Variants in ADGRG6 observed in about 807,000 individuals in gnomAD.
The protein encoded by ADGRG6 is G-protein coupled receptor 126.
In ADGRG6, 84 loss-of-function variants were observed where a neutral mutation model predicts 142.4. That is an observed-to-expected ratio of 0.59 (90% CI 0.49 to 0.71). The LOEUF (loss-of-function observed/expected upper bound fraction) is 0.71. Among genes scored for constraint, ADGRG6 ranks in the 30% least tolerant of loss-of-function variants. ADGRG6 has a pLI of 0.00. For synonymous variants in ADGRG6, 521 were observed against 520.5 expected (o/e 1.00, Z -0.01); for missense variants, 1,367 against 1,466.6 (o/e 0.93, Z 1.11).
At position 142,309,054 on chromosome 6, in the gene ADGRG6, A is replaced by C. The variant is rs375014337; in HGVS notation, c.3-490A>C. The stretch of plus-strand genomic sequence containing the variant: ...TTCAATGTATCACTTTAGGGGATAG[A>C]ACAGAGTTTGGGCAATTTGGTTTTA... On this transcript the variant is annotated intron_variant, in intron 1 of 24. Transcript: ENST00000367609. Among the ~76,000 whole-genome samples, 9 of 151,820 alleles carry C rather than the reference A, an allele frequency of 5.9e-5. No homozygotes were observed. In the East Asian group the frequency reaches 9.6e-4, roughly 16 times the overall value.
intron 16 of ADGRG6, among the ~76,000 whole-genome samples, chr6:142,409,605 A>G (rs972881251): frequency 5.3e-5 from 8 of 152,154 alleles, no homozygotes; most frequent in African/African-American, 1.9e-4. Flanking sequence ...TGAGAGTAGA[A>G]TCAATATACT....
At chr6:142,309,131 T>C (rs550468781) in intron 1 of ADGRG6, among the ~76,000 whole-genome samples, 2 of 152,012 alleles carry the variant, frequency 1.3e-5, no homozygotes, top group Non-Finnish European at 2.9e-5. Context: ...AACATTTCCT[T>C]ACAATCTGAA....
At chr6:142,410,591 T>C (rs1582647874) in intron 17 of ADGRG6, among the ~76,000 whole-genome samples, 1 of 152,184 alleles carries the variant, frequency 6.6e-6, no homozygotes, top group South Asian at 2.1e-4. Context: ...GCAGGGTACT[T>C]TGCTGATGAA....
At chr6:142,312,660 A>T (rs374967351) in intron 2 of ADGRG6, among the ~76,000 whole-genome samples, 37 of 152,286 alleles carry the variant, frequency 2.4e-4, no homozygotes, top group African/African-American at 7.7e-4. Context: ...ACACATAAAA[A>T]AATCAAGAAT....
At chr6:142,369,286 T>C (rs1781107830) in intron 3 of ADGRG6, among the ~76,000 whole-genome samples, 1 of 152,226 alleles carries the variant, frequency 6.6e-6, no homozygotes, top group Non-Finnish European at 1.5e-5. Flanking sequence ...AATACATTTT[T>C]ATTTTGAATT....
chr6:142,316,682 CA>C (rs1487195866), intron 2 of ADGRG6, among the ~76,000 whole-genome samples: 1 of 152,082 alleles, frequency 6.6e-6, no homozygotes, highest in African/African-American at 2.4e-5. Context: ...TTAGCTGTAT[CA>C]CTGGCCTTAT....
chr6:142,388,533 C>T (rs1782144959), intron 6 of ADGRG6, among the ~76,000 whole-genome samples: 1 of 151,926 alleles, frequency 6.6e-6, no homozygotes, highest in African/African-American at 2.4e-5. Flanking sequence ...TATCAAAAGT[C>T]AAAAATACAT....
chr6:142,309,392 G>A (rs1423170215), intron 1 of ADGRG6, among the ~76,000 whole-genome samples, 152 bp from the exon 2 acceptor site: 5 of 151,838 alleles, frequency 3.3e-5, no homozygotes, highest in South Asian at 2.1e-4. Flanking sequence ...TGATCAAGTC[G>A]TCATCATCTT....
chr6:142,390,249 A>G lies in ADGRG6; in HGVS notation c.1223-9A>G. On this transcript the variant is annotated splice_polypyrimidine_tract_variant and intron_variant, in intron 6 of 24. Coordinates refer to ENST00000367609, the MANE Select transcript of ADGRG6 (RefSeq NM_198569.3). ...TAATTAATGGACTAATCCTATTTCC[A>G]ATGGGCAGATGGAATTATCTATAGA... 1 of 1,459,786 alleles carries G rather than the reference A, an allele frequency of 6.9e-7. No homozygotes were observed. Among genetic ancestry groups the G allele is most frequent in the Non-Finnish European group, 9.5e-7 (1 of 1,053,664 alleles). 90.4% of individuals were successfully genotyped at this position (1,459,786 alleles called of 1,614,324 possible).
intron 11 of ADGRG6, 81 bp downstream of exon 11, chr6:142,400,677 T>C: frequency 2.7e-6 from 2 of 730,672 alleles, no homozygotes; most frequent in Non-Finnish European, 5.0e-6. Context: ...CGGTAGTTCT[T>C]AGGCATTATA....
intron 2 of ADGRG6, among the ~76,000 whole-genome samples, chr6:142,324,613 T>G (rs1778671793): frequency 6.6e-6 from 1 of 152,116 alleles, no homozygotes; most frequent in African/African-American, 2.4e-5. Flanking sequence ...TTCGTCTTAA[T>G]TATCAGGTAT....
intron 2 of ADGRG6, among the ~76,000 whole-genome samples, chr6:142,359,466 C>A (rs1028603524): frequency 1.3e-5 from 2 of 152,166 alleles, no homozygotes; most frequent in Admixed American, 1.3e-4. Context: ...GCTGACCTCA[C>A]TGCCCAGGAC....
chr6:142,405,887 G>A, intron 15 of ADGRG6, 59 bp downstream of exon 15: 2 of 1,276,734 alleles, frequency 1.6e-6, no homozygotes, highest in Non-Finnish European at 2.1e-6. Context: ...TTTGAGCAAA[G>A]AAAACAAAAC....
At chr6:142,359,654 A>C (rs1209851599) in intron 2 of ADGRG6, among the ~76,000 whole-genome samples, 1 of 152,238 alleles carries the variant, frequency 6.6e-6, no homozygotes, top group Non-Finnish European at 1.5e-5. Flanking sequence ...ATCACAATCT[A>C]CTTATTTATC....
At chr6:142,333,257 GTTA>G (rs1779150004) in intron 2 of ADGRG6, among the ~76,000 whole-genome samples, 4 of 152,126 alleles carry the variant, frequency 2.6e-5, no homozygotes, top group African/African-American at 7.2e-5. Context: ...GACCCAGATG[GTTA>G]GAAAAAGAGC....
intron 2 of ADGRG6, among the ~76,000 whole-genome samples, chr6:142,340,083 A>G (rs964361224): frequency 6.6e-6 from 1 of 152,158 alleles, no homozygotes; most frequent in Non-Finnish European, 1.5e-5. Flanking sequence ...AATGTTGCAT[A>G]TGAACAATAG....
intron 18 of ADGRG6, among the ~76,000 whole-genome samples, chr6:142,413,911 A>ACG (rs1357274873): frequency 7.4e-5 from 10 of 135,532 alleles, no homozygotes; most frequent in Non-Finnish European, 1.4e-4. Flanking sequence ...ACACACACAC[A>ACG]CACACACACA....
Position 142,444,034 on chromosome 6 carries a change from A to G in ADGRG6, c.*519A>G, listed in dbSNP as rs1205675059. Reference sequence around the variant, plus strand: ...AATGACATTTCAACCACAGGCAGAAAAGACTGTTTACTCCTTGACCCAAAG... The same window carrying G: ...AATGACATTTCAACCACAGGCAGAAGAGACTGTTTACTCCTTGACCCAAAG... On this transcript the variant is annotated 3_prime_UTR_variant, in exon 25 of 25. Transcript: ENST00000367609. The G allele has an allele frequency of 6.6e-6, 1 of 152,210 alleles. No individual in the cohort carries two copies. Among genetic ancestry groups the G allele is most frequent in the South Asian group, 2.1e-4 (1 of 4,832 alleles). The allele number at this position is 152,210 out of a possible 1,614,324, so 9.4% of individuals were successfully genotyped here. A position where few individuals can be genotyped will look rare whatever the true frequency, so the allele number is the denominator to read the frequency against.
intron 22 of ADGRG6, among the ~76,000 whole-genome samples, chr6:142,436,338 G>T (rs1030619563): frequency 2.3e-4 from 35 of 152,132 alleles, no homozygotes; most frequent in African/African-American, 8.2e-4. Flanking sequence ...GGGAGAAAAT[G>T]ACCTTGAGAA....
Sources: gnomAD v4.1 joint callset for allele counts (sites outside exome capture counted in the v4.1 genomes callset) on GRCh38, gnomAD v4.1.1 for gene constraint, MANE v1.5 for transcripts, NCBI Gene and HGNC (gene_info 2026-07-23, HGNC 2026-07-21) for gene names.